RGS22: variants seen among roughly 807,000 people sequenced by gnomAD.
The protein encoded by RGS22 is regulator of G-protein signaling 22.
RGS22 carries 148 observed loss-of-function variants against 172.9 expected under a neutral mutation model. That is an observed-to-expected ratio of 0.86 (90% CI 0.75 to 0.98). RGS22 has a LOEUF of 0.98. Among genes scored for constraint, RGS22 ranks in the 50% least tolerant of loss-of-function variants. RGS22 has a pLI of 0.00. For missense variants in RGS22, 1,347 were observed against 1,440.8 expected, an observed-to-expected ratio of 0.93 and a Z score of 1.05; for synonymous variants, 458 against 480.2, an observed-to-expected ratio of 0.95 and a Z score of 0.60.
intron 14 of RGS22, among the ~76,000 whole-genome samples, chr8:100,016,574 G>A (rs1482028799): frequency 6.6e-6 from 1 of 151,956 alleles, no homozygotes; most frequent in Non-Finnish European, 1.5e-5. Flanking sequence ...TCAGGAGATC[G>A]AGACCATCCT....
intron 3 of RGS22, among the ~76,000 whole-genome samples, chr8:100,086,106 G>A (rs1812141166): frequency 6.6e-6 from 1 of 151,896 alleles, no homozygotes. Flanking sequence ...GGGAAGAGGT[G>A]AATTCACAAA....
At chr8:100,027,919 T>G (rs1460346455) in intron 14 of RGS22, among the ~76,000 whole-genome samples, 1 of 152,210 alleles carries the variant, frequency 6.6e-6, no homozygotes, top group Non-Finnish European at 1.5e-5. Context: ...TACTGTTTAT[T>G]CCATTGAGTG....
At chr8:100,102,906 A>C (rs1205212238) in intron 2 of RGS22, among the ~76,000 whole-genome samples, 1 of 152,248 alleles carries the variant, frequency 6.6e-6, no homozygotes, top group African/African-American at 2.4e-5. Flanking sequence ...TTTTGGCTTT[A>C]CCAGTTATGA....
At chr8:99,972,010 C>T (rs1811411498) in intron 23 of RGS22, among the ~76,000 whole-genome samples, 1 of 152,092 alleles carries the variant, frequency 6.6e-6, no homozygotes, top group South Asian at 2.1e-4. Flanking sequence ...TACTACATGG[C>T]TACAATAATA....
intron 24 of RGS22, among the ~76,000 whole-genome samples, chr8:99,964,096 A>C (rs1477986016): frequency 6.6e-6 from 1 of 152,080 alleles, no homozygotes; most frequent in Non-Finnish European, 1.5e-5. Flanking sequence ...TTTAACCGAT[A>C]AGGTAAGAGG....
chr8:100,008,637 C>G (rs555657350), intron 14 of RGS22, 68 bp from the exon 15 acceptor site: 11 of 1,225,486 alleles, frequency 9.0e-6, no homozygotes, highest in Non-Finnish European at 1.0e-5. Context: ...GACACCTCAA[C>G]ATAGGCATTT....
intron 8 of RGS22, 115 bp downstream of exon 8, chr8:100,063,301 G>T: frequency 1.1e-5 from 7 of 659,518 alleles, no homozygotes; most frequent in Non-Finnish European, 1.7e-5. Flanking sequence ...TCCTCCAAGA[G>T]TAAAAAATTA....
At chr8:99,969,044 C>T (rs1287110545) in intron 23 of RGS22, among the ~76,000 whole-genome samples, 1 of 152,150 alleles carries the variant, frequency 6.6e-6, no homozygotes, top group Non-Finnish European at 1.5e-5. Context: ...GATCTCTCGG[C>T]AGAAACCCCA....
chr8:100,021,095 C>T (rs1817555003), intron 14 of RGS22, among the ~76,000 whole-genome samples: 2 of 152,204 alleles, frequency 1.3e-5, no homozygotes, highest in African/African-American at 2.4e-5. Flanking sequence ...CTCTTCCTAT[C>T]ATGATCACTA....
intron 7 of RGS22, among the ~76,000 whole-genome samples, chr8:100,065,724 A>C (rs780519278): frequency 2.0e-5 from 3 of 152,198 alleles, no homozygotes; most frequent in Non-Finnish European, 2.9e-5. Context: ...GGGAAACTCA[A>C]TTTCCATCAA....
intron 24 of RGS22, among the ~76,000 whole-genome samples, chr8:99,963,554 C>T (rs1409603542): frequency 1.3e-5 from 2 of 152,142 alleles, no homozygotes; most frequent in African/African-American, 2.4e-5. Context: ...ACAGTTAACC[C>T]TTTACATCCA....
chr8:99,998,077 T>A (rs1814583005), intron 19 of RGS22, among the ~76,000 whole-genome samples: 1 of 152,234 alleles, frequency 6.6e-6, no homozygotes, highest in Non-Finnish European at 1.5e-5. Flanking sequence ...TCTCATTTTT[T>A]AAGGAAATCT....
intron 9 of RGS22, among the ~76,000 whole-genome samples, chr8:100,053,657 A>T (rs1247124542): frequency 6.6e-6 from 1 of 151,992 alleles, no homozygotes; most frequent in Non-Finnish European, 1.5e-5. Flanking sequence ...TTTTTTTGAC[A>T]CGGAGTCTTG....
At chr8:100,056,898 C>A (rs1004541784) in intron 9 of RGS22, among the ~76,000 whole-genome samples, 3 of 152,196 alleles carry the variant, frequency 2.0e-5, no homozygotes, top group African/African-American at 4.8e-5. Flanking sequence ...AGAGGGCCAC[C>A]ATCCTCCAGA....
At chr8:100,093,546 T>C in intron 2 of RGS22, 37 bp from the exon 3 acceptor site, 2 of 1,363,692 alleles carry the variant, frequency 1.5e-6, no homozygotes, top group East Asian at 2.3e-5. Context: ...GTATTATAAT[T>C]ATACATTTTA....
At chr8:100,004,284 G>T in intron 16 of RGS22, 186 bp from the exon 17 acceptor site, 1 of 323,836 alleles carries the variant, frequency 3.1e-6, no homozygotes, top group Non-Finnish European at 4.4e-6. Flanking sequence ...ATCAAATTCT[G>T]TTCTGTTTAT....
At chr8:99,986,239 T>A (rs1046034064) in intron 21 of RGS22, among the ~76,000 whole-genome samples, 1 of 152,000 alleles carries the variant, frequency 6.6e-6, no homozygotes, top group Non-Finnish European at 1.5e-5. Flanking sequence ...CAAAAAAAAA[T>A]TGTTTTTTAA....
intron 10 of RGS22, among the ~76,000 whole-genome samples, chr8:100,052,013 G>A (rs1187327941): frequency 8.2e-5 from 5 of 61,244 alleles, no homozygotes; most frequent in African/African-American, 1.3e-4. Flanking sequence ...ATATATAAAT[G>A]TTTATATATA....
intron 24 of RGS22, 66 bp downstream of exon 24, chr8:99,965,269 G>A (rs1294764061): frequency 5.9e-6 from 6 of 1,016,036 alleles, no homozygotes; most frequent in African/African-American, 1.6e-5. Context: ...CAATGACTGA[G>A]TTACTGCATT....
Sources: gnomAD v4.1 joint callset for allele counts (sites outside exome capture counted in the v4.1 genomes callset) on GRCh38, gnomAD v4.1.1 for gene constraint, MANE v1.5 for transcripts, NCBI Gene and HGNC (gene_info 2026-07-23, HGNC 2026-07-21) for gene names.